The following TMPRSS6 variants were observed in gnomAD, a reference collection of about 807,000 sequenced individuals.
TMPRSS6 encodes the protein transmembrane serine protease 6.
In TMPRSS6, 67 loss-of-function variants were observed where a neutral mutation model predicts 101.5. The observed-to-expected ratio is 0.66, with a 90% CI of 0.54 to 0.81. The LOEUF (loss-of-function observed/expected upper bound fraction) is 0.81. TMPRSS6 is among the 30% of genes least tolerant of loss of function. The probability of loss-of-function intolerance (pLI) is 0.00; values close to 1 mark genes in which losing one functional copy is unlikely to be tolerated. For missense variants in TMPRSS6, 1,034 were observed against 1,088.7 expected (o/e 0.95, Z 0.71); for synonymous variants, 453 against 464.9 (o/e 0.97, Z 0.33).
chr22:37,072,329 A>ATGG (rs1927077316), intron 13 of TMPRSS6, among the ~76,000 whole-genome samples: 7 of 37,524 alleles, frequency 1.9e-4, no homozygotes, highest in Non-Finnish European at 2.7e-4. Flanking sequence ...ATGATGGATG[A>ATGG]ATGGATGGAT....
chr22:37,072,963 G>A (rs944850438), intron 13 of TMPRSS6, among the ~76,000 whole-genome samples: 13 of 146,768 alleles, frequency 8.9e-5, no homozygotes, highest in East Asian at 2.1e-4. Context: ...GGTGGATGAC[G>A]GATGGGTGGA....
At chr22:37,066,281 A>AC (rs749606895) in intron 17 of TMPRSS6, 43 bp from the exon 18 acceptor site, 1 of 1,550,166 alleles carries the variant, frequency 6.5e-7, no homozygotes, top group Non-Finnish European at 8.7e-7. Flanking sequence ...GGGTAAGGGC[A>AC]CCCCCTTTTC....
At chr22:37,074,772 G>C (rs903236196) in intron 11 of TMPRSS6, 64 bp from the exon 12 acceptor site, 13 of 1,548,134 alleles carry the variant, frequency 8.4e-6, no homozygotes, top group Non-Finnish European at 1.2e-5. Flanking sequence ...TAGCCGCGAA[G>C]GCGCACAAAG....
intron 1 of TMPRSS6, among the ~76,000 whole-genome samples, chr22:37,107,704 T>C (rs1216989543): frequency 6.6e-6 from 1 of 152,126 alleles, no homozygotes; most frequent in Non-Finnish European, 1.5e-5. Flanking sequence ...TCCTCTTTGC[T>C]GAATGGGAGG....
chr22:37,069,442 C>T lies in TMPRSS6; in HGVS notation c.1842-98G>A, dbSNP rs1257835451. The T allele has an allele frequency of 3.4e-6, 4 of 1,188,534 alleles. No homozygotes were observed. The highest frequency in any genetic ancestry group is 4.7e-6 in the Non-Finnish European group (4 of 849,740). 73.6% of individuals were successfully genotyped at this position (1,188,534 alleles called of 1,614,324 possible). A position where few individuals can be genotyped will look rare whatever the true frequency, so the allele number is the denominator to read the frequency against. On this transcript the variant is annotated intron_variant, in intron 15 of 17. Transcript: ENST00000676104. This position sits in a 1 kb window ranked among gnomAD's most constrained non-coding sequence, Gnocchi z 4.8. ...CCCTCAAGATAGCCAGATCCCCGCC[C>T]GGGACAGTGCCCTCCACACCCAGCC...
intron 16 of TMPRSS6, 84 bp downstream of exon 16, chr22:37,068,988 AG>A: frequency 6.6e-7 from 1 of 1,505,056 alleles, no homozygotes; most frequent in Non-Finnish European, 8.8e-7. Context: ...CGGGACCCCC[AG>A]CCCCGCCCTT....
In TMPRSS6 at chr22:37,066,852, G is replaced by C; in HGVS notation, c.2224C>G (p.Arg742Gly). 1 of 1,614,162 alleles carries C rather than the reference G, an allele frequency of 6.2e-7. No individual in the cohort carries two copies. The highest frequency in any genetic ancestry group is 8.5e-7 in the Non-Finnish European group (1 of 1,180,032). The change falls in exon 17 of 18, where the codon CGC becomes GGC. Residue 742 changes from arginine (R) to glycine (G), a missense_variant. Transcript: ENST00000676104. ...TGACAGGCATCCTTCTTGCCCTTGC[G>C]GTAGCCGGCACACAGCATGCGTGGC... is the stretch of plus-strand genomic sequence containing the variant. ...VTPRMLCAGYRKGKKDACQGD... is the reference protein window; with the variant it reads ...VTPRMLCAGYGKGKKDACQGD...
chr22:37,081,719 A>C (rs1054366725), intron 10 of TMPRSS6, among the ~76,000 whole-genome samples: 1 of 152,142 alleles, frequency 6.6e-6, no homozygotes, highest in African/African-American at 2.4e-5. Flanking sequence ...GCTTGGCTAC[A>C]CCCTGAAGCC....
At chr22:37,099,940 G>A (rs1930152000) in intron 2 of TMPRSS6, among the ~76,000 whole-genome samples, 1 of 133,972 alleles carries the variant, frequency 7.5e-6, no homozygotes, top group Non-Finnish European at 1.7e-5. Flanking sequence ...AGGAATGGGA[G>A]GTGGTTTTTT....
At chr22:37,093,959 G>A (rs1213917186) in intron 6 of TMPRSS6, among the ~76,000 whole-genome samples, 1 of 151,992 alleles carries the variant, frequency 6.6e-6, no homozygotes, top group African/African-American at 2.4e-5. Flanking sequence ...GGAGGTGGAG[G>A]TTGCAATGAG....
chr22:37,083,079 T>C (rs200068233), intron 10 of TMPRSS6: 56 of 470,972 alleles, frequency 1.2e-4, no homozygotes, highest in Non-Finnish European at 2.0e-4. Context: ...ATCTTAGATA[T>C]TCAAACTCTG....
chr22:37,098,286 G>A, intron 3 of TMPRSS6, 130 bp downstream of exon 3: 2 of 1,365,006 alleles, frequency 1.5e-6, no homozygotes, highest in Non-Finnish European at 1.0e-6. Flanking sequence ...CTTCCATGGT[G>A]CCTGGAGCAG....
chr22:37,066,313 T>A, intron 17 of TMPRSS6, 75 bp from the exon 18 acceptor site: 1 of 1,419,958 alleles, frequency 7.0e-7, no homozygotes, highest in Non-Finnish European at 9.5e-7. Flanking sequence ...CCATAGGGAT[T>A]AAGTCCTGAC....
intron 1 of TMPRSS6, among the ~76,000 whole-genome samples, chr22:37,105,144 C>T (rs928696855): frequency 6.6e-6 from 1 of 152,108 alleles, no homozygotes; most frequent in African/African-American, 2.4e-5. Flanking sequence ...TGGCTCCCTC[C>T]AGCTCCCCTT....
chr22:37,068,495 T>C (rs1926543554), intron 16 of TMPRSS6: 2 of 697,722 alleles, frequency 2.9e-6, no homozygotes, highest in Admixed American at 4.3e-5. Context: ...CTCTGGTCAG[T>C]GAACGTAGAA....
Position 37,084,399 on chromosome 22 carries a change from G to T in TMPRSS6, c.1092C>A (p.Pro364=), listed in dbSNP as rs1928520339. Residue 364 remains proline (P), a synonymous_variant, in exon 10 of 18, where the codon CCC becomes CCA. Transcript: ENST00000676104. Reference sequence around the variant, plus strand: ...AGAGGGCCAAGCCGTAGTCCAGAGAGGGCACCTGGGAGGGAGGAGCGGGCC... The same window carrying T: ...AGAGGGCCAAGCCGTAGTCCAGAGATGGCACCTGGGAGGGAGGAGCGGGCC... ...QTHCSWHLTV[P]SLDYGLALWF... The T allele has an allele frequency of 6.2e-7, 1 of 1,611,288 alleles. No individual in the cohort carries two copies. The highest frequency in any genetic ancestry group is 8.5e-7 in the Non-Finnish European group (1 of 1,178,708).
intron 10 of TMPRSS6, among the ~76,000 whole-genome samples, chr22:37,078,957 G>A (rs530471079): frequency 0.11 from 10,714 of 101,604 alleles, 784 homozygotes; most frequent in African/African-American, 0.14. Context: ...AGGAGAAAAA[G>A]AGAAAGAAAG....
At chr22:37,073,702 G>A (rs1246431167) in intron 12 of TMPRSS6, 57 bp from the exon 13 acceptor site, 3 of 1,082,364 alleles carry the variant, frequency 2.8e-6, no homozygotes, top group Non-Finnish European at 2.9e-6. Flanking sequence ...GCCAGCCGGG[G>A]CTTGGCGATG....
Position 37,103,205 on chromosome 22 carries a change from C to A in TMPRSS6, c.202+11G>T. The A allele has an allele frequency of 1.2e-6, 2 of 1,613,766 alleles. No homozygotes were observed. The highest frequency in any genetic ancestry group is 1.7e-6 in the Non-Finnish European group (2 of 1,179,872). ...CCCAGGTGCCTCTCCCAGGCGGTCCCACAACGTTACCTAGGAAATACCAGA... is the reference window on the plus strand; with the variant it reads ...CCCAGGTGCCTCTCCCAGGCGGTCCAACAACGTTACCTAGGAAATACCAGA... On this transcript the variant is annotated intron_variant, in intron 2 of 17. Coordinates refer to ENST00000676104, the MANE Select transcript of TMPRSS6 (RefSeq NM_001374504.1). This position sits in a 1 kb window ranked among gnomAD's most constrained non-coding sequence, Gnocchi z 4.4.
Sources: allele counts gnomAD v4.1 joint callset (sites outside exome capture counted in the v4.1 genomes callset), GRCh38; gene constraint gnomAD v4.1.1; non-coding constraint Gnocchi (gnomAD v3.1); transcripts MANE v1.5; gene names NCBI Gene and HGNC (gene_info 2026-07-23, HGNC 2026-07-21).